SNX29: variants seen among roughly 807,000 people sequenced by gnomAD.
SNX29 encodes the protein sorting nexin-29.
A neutral mutation model predicts 102.1 loss-of-function variants in SNX29; 78 were observed. The observed-to-expected ratio is 0.76, with a 90% CI of 0.64 to 0.92. The LOEUF (loss-of-function observed/expected upper bound fraction) is 0.92, where lower values mean the gene tolerates loss of function less well. Among genes scored for constraint, SNX29 ranks in the 40% least tolerant of loss-of-function variants. The pLI, the probability that SNX29 is intolerant of heterozygous loss-of-function variation, is 0.00. For missense variants in SNX29, 1,280 were observed against 1,061.7 expected (o/e 1.21, Z -2.86); for synonymous variants, 580 against 414.5 (o/e 1.40, Z -4.85).
chr16:12,518,009 G>C (rs778355765), intron 19 of SNX29, among the ~76,000 whole-genome samples: 3 of 152,184 alleles, frequency 2.0e-5, no homozygotes, highest in Non-Finnish European at 4.4e-5. Flanking sequence ...GGGAGGTACT[G>C]GGGAGAAGGT....
intron 13 of SNX29, among the ~76,000 whole-genome samples, chr16:12,147,225 C>A (rs4780413): frequency 0.025 from 3,807 of 152,276 alleles, 94 homozygotes; most frequent in African/African-American, 0.064. Flanking sequence ...CAGACTTGGG[C>A]AGTTCATCAA....
At chr16:12,298,857 T>TACC (rs1452812987) in intron 15 of SNX29, among the ~76,000 whole-genome samples, 1 of 152,150 alleles carries the variant, frequency 6.6e-6, no homozygotes, top group African/African-American at 2.4e-5. Context: ...CTGATGGTAT[T>TACC]ACCAGTTGTT....
chr16:12,458,034 A>G (rs141873152), intron 18 of SNX29, among the ~76,000 whole-genome samples: 4,037 of 152,258 alleles, frequency 0.027, 184 homozygotes, highest in African/African-American at 0.092. Flanking sequence ...AAAAATTCCT[A>G]AATTGGATGC....
At chr16:12,157,910 C>T (rs933179534) in intron 13 of SNX29, among the ~76,000 whole-genome samples, 3 of 152,218 alleles carry the variant, frequency 2.0e-5, no homozygotes, top group African/African-American at 7.2e-5. Flanking sequence ...TGCAGTGTCA[C>T]CACCTCTGTG....
intron 20 of SNX29, among the ~76,000 whole-genome samples, chr16:12,534,060 C>T (rs2077002774): frequency 6.6e-6 from 1 of 152,252 alleles, no homozygotes; most frequent in South Asian, 2.1e-4. Flanking sequence ...TGAAGCAGTG[C>T]AGAGTGAGGG....
chr16:12,167,753 A>T (rs2076050515), intron 13 of SNX29, among the ~76,000 whole-genome samples: 1 of 152,212 alleles, frequency 6.6e-6, no homozygotes, highest in South Asian at 2.1e-4. Flanking sequence ...CGGGGAGTGA[A>T]TGAGCCAGGA....
At chr16:12,164,501 G>A (rs954048163) in intron 13 of SNX29, among the ~76,000 whole-genome samples, 1 of 152,054 alleles carries the variant, frequency 6.6e-6, no homozygotes, top group Non-Finnish European at 1.5e-5. Context: ...TGAGAAGATT[G>A]AGTACTGTTT....
intron 15 of SNX29, among the ~76,000 whole-genome samples, chr16:12,336,190 A>G (rs892374003): frequency 6.6e-6 from 1 of 151,896 alleles, no homozygotes; most frequent in African/African-American, 2.4e-5. Context: ...GGAGGTTGAA[A>G]TGGCTTCATA....
chr16:12,168,223 G>C (rs2076062135), intron 13 of SNX29, among the ~76,000 whole-genome samples: 1 of 152,198 alleles, frequency 6.6e-6, no homozygotes, highest in Admixed American at 6.5e-5. Context: ...TGGAGGGCGG[G>C]GATCCAGGCA....
intron 14 of SNX29, among the ~76,000 whole-genome samples, chr16:12,237,779 G>A (rs1328436318): frequency 1.3e-5 from 2 of 152,164 alleles, no homozygotes; most frequent in Non-Finnish European, 2.9e-5. Flanking sequence ...GTGGTGGCAG[G>A]TGCCTGTAAT....
chr16:12,456,505 A>C (rs1208419101), intron 18 of SNX29, among the ~76,000 whole-genome samples: 1 of 137,524 alleles, frequency 7.3e-6, no homozygotes, highest in African/African-American at 2.9e-5. Context: ...GCATGTGTGC[A>C]CGTGTGTGTG....
chr16:12,280,608 T>C (rs1241581328), intron 15 of SNX29, among the ~76,000 whole-genome samples: 1 of 152,200 alleles, frequency 6.6e-6, no homozygotes, highest in African/African-American at 2.4e-5. Flanking sequence ...GAAGCAGACA[T>C]GTCCTCAAAC....
intron 18 of SNX29, among the ~76,000 whole-genome samples, chr16:12,408,157 C>CAAAA (rs1555530421): frequency 3.6e-4 from 51 of 142,942 alleles, no homozygotes; most frequent in East Asian, 2.9e-3. Context: ...GGACCCTTCT[C>CAAAA]AAAAAAACAA....
chr16:12,527,312 C>T, intron 20 of SNX29: 1 of 531,812 alleles, frequency 1.9e-6, no homozygotes, highest in South Asian at 1.5e-5. Flanking sequence ...AGCAGCGAGA[C>T]TGCTGTCTCA....
rs187787123 is a variant in SNX29, at chr16:12,511,682, C to T, written c.2179-13020C>T. On this transcript the variant is annotated intron_variant, in intron 19 of 20. Coordinates refer to ENST00000566228, the MANE Select transcript of SNX29 (RefSeq NM_032167.5). ...CTAACATTTAGCAGTTTAATGATAC[C>T]GCGTGAATGCTGTGGTGTAGTCTCC... is the stretch of plus-strand genomic sequence containing the variant. 1.1e-4 allele frequency among the ~76,000 whole-genome samples: 17 copies of T among 151,612 alleles called. 2 individuals are homozygous for T. The highest frequency in any genetic ancestry group is 9.9e-4 in the Admixed American group (15 of 15,214).
intron 20 of SNX29, among the ~76,000 whole-genome samples, chr16:12,541,221 GAGA>G (rs982747712): frequency 6.6e-5 from 10 of 152,158 alleles, no homozygotes; most frequent in African/African-American, 9.7e-5. Flanking sequence ...GGTGCATGGA[GAGA>G]AGGACTATGG....
At chr16:12,336,203 G>A (rs2081443868) in intron 15 of SNX29, among the ~76,000 whole-genome samples, 2 of 151,864 alleles carry the variant, frequency 1.3e-5, no homozygotes. Context: ...GCTTCATATT[G>A]CGGGTCTTCC....
chr16:12,475,126 T>C (rs1006170876), intron 18 of SNX29, among the ~76,000 whole-genome samples: 2 of 152,188 alleles, frequency 1.3e-5, no homozygotes, highest in African/African-American at 4.8e-5. Flanking sequence ...CTCCATTTTG[T>C]AGATGAGGAA....
intron 20 of SNX29, chr16:12,560,924 C>G (rs982401862): frequency 4.9e-6 from 1 of 202,998 alleles, no homozygotes; most frequent in African/African-American, 2.3e-5. Context: ...AATAAAGTAC[C>G]TCGTGGTGTT....
Sources: allele counts gnomAD v4.1 joint callset (sites outside exome capture counted in the v4.1 genomes callset), GRCh38; gene constraint gnomAD v4.1.1; transcripts MANE v1.5; gene names NCBI Gene and HGNC (gene_info 2026-07-23, HGNC 2026-07-21).